The following NAA40 variants were observed in gnomAD, a reference collection of about 807,000 sequenced individuals.
NAA40 encodes N-alpha-acetyltransferase 40.
A neutral mutation model predicts 36.6 loss-of-function variants in NAA40; 26 were observed. That is an observed-to-expected ratio of 0.71 (90% CI 0.52 to 0.98). NAA40 has a LOEUF of 0.98. Ranked by LOEUF, NAA40 falls within the 50% of genes least tolerant of loss-of-function variation. The probability of loss-of-function intolerance (pLI) is 0.00; values close to 1 mark genes in which losing one functional copy is unlikely to be tolerated. For synonymous variants in NAA40, 129 were observed against 108.4 expected (o/e 1.19, Z -1.18); for missense variants, 237 against 306.5 (o/e 0.77, Z 1.69).
At chr11:63,946,292 C>G (rs1361127318) in intron 2 of NAA40, 8 of 257,260 alleles carry the variant, frequency 3.1e-5, no homozygotes, top group Non-Finnish European at 5.3e-5. Flanking sequence ...TTCAACCTTG[C>G]AGCCTCTGCC....
intron 3 of NAA40, among the ~76,000 whole-genome samples, chr11:63,950,713 C>T (rs901732493): frequency 1.3e-5 from 2 of 152,124 alleles, no homozygotes; most frequent in East Asian, 1.9e-4. Context: ...CCGCCCGCCT[C>T]GGCCTCCCAA....
In NAA40 at chr11:63,952,221, T is replaced by C. The variant is rs1426636170; in HGVS notation, c.156-17T>C. ...AGTGCTGTAACCAATTCCGTACACG[T>C]CCTGTCCTCTTCTCAGGTTGAATGT... On this transcript the variant is annotated splice_polypyrimidine_tract_variant and intron_variant, in intron 3 of 7. Transcript: ENST00000377793. 6.3e-7 allele frequency: 1 copy of C among 1,593,478 alleles called. No homozygotes were observed. Among genetic ancestry groups the C allele is most frequent in the Admixed American group, 1.7e-5 (1 of 59,138 alleles).
rs553550359 is a variant in NAA40, at chr11:63,939,117, G to T, written c.6+15G>T. 2 of 1,604,790 alleles carry T rather than the reference G, an allele frequency of 1.2e-6. No homozygotes were observed. Among genetic ancestry groups the T allele is most frequent in the South Asian group, 1.1e-5 (1 of 90,718 alleles). On this transcript the variant is annotated intron_variant, in intron 1 of 7. Transcript: ENST00000377793. ...CCGCTATGGGGGTGAGTGAGGCAGAGAGAGGAGATGGGAGGTCCAGGGGCG... is the reference window on the plus strand; with the variant it reads ...CCGCTATGGGGGTGAGTGAGGCAGATAGAGGAGATGGGAGGTCCAGGGGCG...
intron 6 of NAA40, 83 bp downstream of exon 6, chr11:63,952,922 T>C: frequency 8.0e-7 from 1 of 1,245,940 alleles, no homozygotes. Context: ...CTTTGAGCCT[T>C]GTTGGAGGAG....
intron 1 of NAA40, among the ~76,000 whole-genome samples, chr11:63,940,694 GT>G (rs564579781): frequency 7.1e-4 from 105 of 147,270 alleles, no homozygotes; most frequent in South Asian, 5.8e-3. Flanking sequence ...TGTTAACCTA[GT>G]TTTTTTTTTT....
chr11:63,939,304 C>T (rs1428271423), intron 1 of NAA40: 1 of 1,265,068 alleles, frequency 7.9e-7, no homozygotes, highest in East Asian at 3.2e-5. Flanking sequence ...AGCCCCTGGT[C>T]CGGGGCCCCA....
chr11:63,950,132 T>G (rs1304801507), intron 3 of NAA40, among the ~76,000 whole-genome samples: 3 of 150,436 alleles, frequency 2.0e-5, no homozygotes, highest in Admixed American at 6.6e-5. Context: ...GTTTTTTTTT[T>G]TTTTTGAGAC....
Position 63,952,351 on chromosome 11 carries a change from A to T in NAA40, c.251+18A>T. ...CAAACCATGTAAGCTTGTCCCAACC[A>T]GGGGAGCCTAGTTCCTCTCGCAGCT... is the stretch of plus-strand genomic sequence containing the variant. On this transcript the variant is annotated intron_variant, in intron 4 of 7. Transcript: ENST00000377793. 1.2e-6 allele frequency: 2 copies of T among 1,613,478 alleles called. No homozygotes were observed. Among genetic ancestry groups the T allele is most frequent in the Non-Finnish European group, 1.7e-6 (2 of 1,179,444 alleles).
chr11:63,952,195 G>T, intron 3 of NAA40, 43 bp from the exon 4 acceptor site: 1 of 1,440,058 alleles, frequency 6.9e-7, no homozygotes, highest in Non-Finnish European at 9.6e-7. Context: ...GCCCTGGCAG[G>T]AGTGCTGTAA....
rs952695262 is a variant in NAA40 at position 63,955,882 on chromosome 11, A to G, written c.*1403A>G. The G allele has an allele frequency of 1.3e-5, 2 of 152,214 alleles. No homozygotes were observed. The highest frequency in any genetic ancestry group is 4.8e-5 in the African/African-American group (2 of 41,442). The allele number at this position is 152,214 out of a possible 1,614,324, so 9.4% of individuals were successfully genotyped here. A position where few individuals can be genotyped will look rare whatever the true frequency, so the allele number is the denominator to read the frequency against. On this transcript the variant is annotated 3_prime_UTR_variant, in exon 8 of 8. Transcript: ENST00000377793. The stretch of plus-strand genomic sequence containing the variant: ...GATATCCCTGAGCTCTGCTGTGGGG[A>G]GTATCATAAAGGTTCTAGCCTTCGT...
At position 63,954,732 on chromosome 11, in the gene NAA40, C is replaced by T. The variant is rs190785534; in HGVS notation, c.*253C>T. On this transcript the variant is annotated 3_prime_UTR_variant, in exon 8 of 8. Transcript: ENST00000377793. The stretch of plus-strand genomic sequence containing the variant: ...GGGCCGGGCAGTGAAGCTCATCCTC[C>T]ACAGTGGCTGCCTCCTCATTTGGCT... The T allele has an allele frequency of 1.1e-5, 4 of 350,228 alleles. No homozygotes were observed. The East Asian group carries it at 1.4e-4, about 12-fold the overall frequency. The allele number at this position is 350,228 out of a possible 1,614,324, so 21.7% of individuals were successfully genotyped here.
At position 63,956,429 on chromosome 11, in the gene NAA40, G is replaced by A. The variant is rs1299340921; in HGVS notation, c.*1950G>A. On this transcript the variant is annotated 3_prime_UTR_variant, in exon 8 of 8. Coordinates refer to ENST00000377793, the MANE Select transcript of NAA40 (RefSeq NM_024771.4). ...AGGGACCCCCCCGTGTTCATCCCTT[G>A]TAAGGTGAGTTCAGTCTACGTTGTC... 1 of 152,376 alleles carries A rather than the reference G, an allele frequency of 6.6e-6. No individual in the cohort carries two copies. The highest frequency in any genetic ancestry group is 1.9e-4 in the East Asian group (1 of 5,198). 9.4% of individuals were successfully genotyped at this position (152,376 alleles called of 1,614,324 possible).
rs1438286332 is a variant in NAA40, at chr11:63,952,443, G to C, written c.288G>C (p.Glu96Asp). 2 of 1,614,130 alleles carry C rather than the reference G, an allele frequency of 1.2e-6. No homozygotes were observed. The highest frequency in any genetic ancestry group is 1.7e-5 in the Admixed American group (1 of 60,000). The change falls in exon 5 of 8, where the codon GAG becomes GAC. Residue 96 changes from glutamate (E) to aspartate (D), a missense_variant. By Grantham distance (45) the Glu-to-Asp change is conservative. Transcript: ENST00000377793. Reference sequence around the variant, plus strand: ...GCGAGTGGGGCTGGAAGGACCGAGAGAAACGGGAGGAAATGACAGATGACC... The same window carrying C: ...GCGAGTGGGGCTGGAAGGACCGAGACAAACGGGAGGAAATGACAGATGACC... ...EQSEWGWKDR[E>D]KREEMTDDRA...
chr11:63,941,677 C>G, intron 1 of NAA40, among the ~76,000 whole-genome samples: 1 of 152,064 alleles, frequency 6.6e-6, no homozygotes, highest in South Asian at 2.1e-4. Context: ...CTCAGCCTCC[C>G]GAGTAGCTGG....
intron 7 of NAA40, 139 bp downstream of exon 7, chr11:63,954,188 A>G (rs1942326264): frequency 7.7e-7 from 1 of 1,299,448 alleles, no homozygotes; most frequent in Non-Finnish European, 1.1e-6. Context: ...GGGAGATGGT[A>G]TGGCAGTGCT....
At position 63,956,626 on chromosome 11, in the gene NAA40, A is replaced by G. The variant is rs1342177173; in HGVS notation, c.*2147A>G. ...AATCACTCTTGTTGGTCTTGAGCCC[A>G]TTCATTTCCAAAACATCCATCTTTC... is the stretch of plus-strand genomic sequence containing the variant. On this transcript the variant is annotated 3_prime_UTR_variant, in exon 8 of 8. Coordinates refer to ENST00000377793, the MANE Select transcript of NAA40 (RefSeq NM_024771.4). 1.3e-5 allele frequency: 2 copies of G among 152,678 alleles called. No homozygotes were observed. Among genetic ancestry groups the G allele is most frequent in the African/African-American group, 4.8e-5 (2 of 41,442 alleles). 9.5% of individuals were successfully genotyped at this position (152,678 alleles called of 1,614,324 possible).
rs149157882 is a variant in NAA40 at position 63,952,768 on chromosome 11, G to A, written c.423G>A (p.Gln141=). The change falls in exon 6 of 8, where the codon CAG becomes CAA. Residue 141 remains glutamine (Q), a synonymous_variant. Transcript: ENST00000377793. ...GDEVLYCYEV[Q]LESKVRRKGL... is the part of the protein sequence containing the mutation. ...TTTCTTCACCTAGCTATGAAGTGCA[G>A]TTGGAAAGCAAGGTGCGGCGGAAAG... The A allele has an allele frequency of 5.4e-5, 87 of 1,614,182 alleles. No homozygotes were observed. The African/African-American group carries it at 1.0e-3, about 19-fold the overall frequency.
intron 6 of NAA40, 29 bp downstream of exon 6, chr11:63,952,868 A>G (rs1942303756): frequency 1.9e-6 from 3 of 1,593,236 alleles, no homozygotes; most frequent in Non-Finnish European, 2.6e-6. Flanking sequence ...GGAGGCCCAT[A>G]TAGCACTCAG....
At chr11:63,948,147 G>A (rs74235256) in intron 3 of NAA40, among the ~76,000 whole-genome samples, 1 of 152,168 alleles carries the variant, frequency 6.6e-6, no homozygotes, top group Non-Finnish European at 1.5e-5. Flanking sequence ...GAGCCACCGC[G>A]CCTGGCCTGA....
Sources: allele counts gnomAD v4.1 joint callset (sites outside exome capture counted in the v4.1 genomes callset), GRCh38; gene constraint gnomAD v4.1.1; transcripts MANE v1.5; gene names NCBI Gene and HGNC (gene_info 2026-07-23, HGNC 2026-07-21).